The following PCDHGB7 variants were observed in gnomAD, a reference collection of about 807,000 sequenced individuals.
The protein encoded by PCDHGB7 is protocadherin gamma subfamily B, 7, also known as protocadherin gamma-B7.
A neutral mutation model predicts 61.4 loss-of-function variants in PCDHGB7; 37 were observed. That is an observed-to-expected ratio of 0.60 (90% CI 0.46 to 0.79). The LOEUF (loss-of-function observed/expected upper bound fraction) is 0.79. Ranked by LOEUF, PCDHGB7 falls within the 30% of genes least tolerant of loss-of-function variation. The pLI is 0.00. For synonymous variants in PCDHGB7, 464 were observed against 503.5 expected, an observed-to-expected ratio of 0.92 and a Z score of 1.05; for missense variants, 1,166 against 1,202.5, an observed-to-expected ratio of 0.97 and a Z score of 0.45.
chr5:141,511,695 C>T lies in PCDHGB7; in HGVS notation c.*522C>T, dbSNP rs1009832192. 1 of 195,662 alleles carries T rather than the reference C, an allele frequency of 5.1e-6. No individual in the cohort carries two copies. Among genetic ancestry groups the T allele is most frequent in the Non-Finnish European group, 1.1e-5 (1 of 92,626 alleles). The allele number at this position is 195,662 out of a possible 1,614,324, so 12.1% of individuals were successfully genotyped here. On this transcript the variant is annotated 3_prime_UTR_variant, in exon 4 of 4. Coordinates refer to ENST00000398594, the MANE Select transcript of PCDHGB7 (RefSeq NM_018927.4). ...CTTCCCCCAAAGCATGGTTTGGTGC[C>T]AGCCCCTTCACCTCCTTCCAGAGCC...
Position 141,489,065 on chromosome 5 carries a change from C to T in PCDHGB7, c.2416-5742C>T, listed in dbSNP as rs558074504. On this transcript the variant is annotated intron_variant, in intron 1 of 3. Coordinates refer to ENST00000398594, the MANE Select transcript of PCDHGB7 (RefSeq NM_018927.4). This position sits in a 1 kb window ranked among gnomAD's most constrained non-coding sequence, Gnocchi z 4.5. ...CCACTCAAATTCAGCTCCCCTCCCC[C>T]CTGCCCACCCCCGCCACTCGGTGAC... 3.3e-5 allele frequency: 13 copies of T among 388,932 alleles called. 1 individual carries two copies. Among genetic ancestry groups the T allele is most frequent in the African/African-American group, 8.5e-5 (4 of 47,158 alleles). 24.1% of individuals were successfully genotyped at this position (388,932 alleles called of 1,614,324 possible).
Position 141,432,632 on chromosome 5 carries a change from G to T in PCDHGB7, c.2415+12358G>T. ...CTTCTCGGTGGGTCTGCACACGGGCGAGGTGCGCACGGCGCGAGCCCTGCT... is the reference window on the plus strand; with the variant it reads ...CTTCTCGGTGGGTCTGCACACGGGCTAGGTGCGCACGGCGCGAGCCCTGCT... On this transcript the variant is annotated intron_variant, in intron 1 of 3. Transcript: ENST00000398594. This position sits in a 1 kb window ranked among gnomAD's most constrained non-coding sequence, Gnocchi z 6.0. The T allele has an allele frequency of 6.2e-7, 1 of 1,612,834 alleles. No homozygotes were observed. Among genetic ancestry groups the T allele is most frequent in the South Asian group, 1.1e-5 (1 of 90,976 alleles).
chr5:141,419,735 G>T lies in PCDHGB7; in HGVS notation c.1876G>T (p.Val626Leu), dbSNP rs1013306543. 1 of 1,613,806 alleles carries T rather than the reference G, an allele frequency of 6.2e-7. No individual in the cohort carries two copies. Among genetic ancestry groups the T allele is most frequent in the Non-Finnish European group, 8.5e-7 (1 of 1,179,844 alleles). Residue 626 changes from valine to leucine, a missense_variant, in exon 1 of 4, where the codon GTG becomes TTG. Physicochemically the swap from Val to Leu is conservative, Grantham distance 32. Transcript: ENST00000398594. ...CAGCCTGGGGCTGCGAACAGGCGAG[G>T]TGCGCATGGTGCGTGCTTTGGGTGA... ...LFSLGLRTGE[V>L]RMVRALGDKD...
At chr5:141,481,357 G>A (rs1399668487) in intron 1 of PCDHGB7, among the ~76,000 whole-genome samples, 1 of 152,176 alleles carries the variant, frequency 6.6e-6, no homozygotes, top group Non-Finnish European at 1.5e-5. Context: ...ATCTACAGCT[G>A]TTCAATAGAT....
Position 141,418,422 on chromosome 5 carries a change from G to T in PCDHGB7, c.563G>T (p.Gly188Val). 6.2e-7 allele frequency: 1 copy of T among 1,613,996 alleles called. No individual in the cohort carries two copies. Among genetic ancestry groups the T allele is most frequent in the Non-Finnish European group, 8.5e-7 (1 of 1,179,878 alleles). Residue 188 changes from glycine to valine, a missense_variant, in exon 1 of 4, where the codon GGT becomes GTT. Coordinates refer to ENST00000398594, the MANE Select transcript of PCDHGB7 (RefSeq NM_018927.4). ...FSLVEKDNPDGGKYPELVLQK... is the reference protein window; with the variant it reads ...FSLVEKDNPDVGKYPELVLQK... ...TTGGTGGAGAAAGACAATCCTGATG[G>T]TGGCAAATATCCAGAATTAGTATTG... is the stretch of plus-strand genomic sequence containing the variant.
intron 1 of PCDHGB7, chr5:141,478,144 G>A (rs2099432883): frequency 6.2e-7 from 1 of 1,613,918 alleles, no homozygotes; most frequent in Non-Finnish European, 8.5e-7. Flanking sequence ...CCCGAGCCGA[G>A]TTCCCCTCTG....
At position 141,422,391 on chromosome 5, in the gene PCDHGB7, T is replaced by A. The variant is rs1036823508; in HGVS notation, c.2415+2117T>A. On this transcript the variant is annotated intron_variant, in intron 1 of 3. Transcript: ENST00000398594. ...ATGGTCAAGTCTCCTGTTTTATTCCTAACCACCTGCCTTTTAAATTAGAAA... is the reference window on the plus strand; with the variant it reads ...ATGGTCAAGTCTCCTGTTTTATTCCAAACCACCTGCCTTTTAAATTAGAAA... 2.5e-6 allele frequency: 4 copies of A among 1,591,932 alleles called. No individual in the cohort carries two copies. The African/African-American group carries it at 4.1e-5, about 16-fold the overall frequency.
intron 1 of PCDHGB7, chr5:141,492,013 T>G: frequency 1.6e-6 from 1 of 610,970 alleles, no homozygotes; most frequent in Non-Finnish European, 2.7e-6. Context: ...TCCGCGGGTG[T>G]CGGGGGTCCC....
In PCDHGB7 at chr5:141,477,017, A is replaced by G; in HGVS notation, c.2416-17790A>G. 2 of 1,614,220 alleles carry G rather than the reference A, an allele frequency of 1.2e-6. No homozygotes were observed. The highest frequency in any genetic ancestry group is 2.2e-5 in the East Asian group (1 of 44,868). ...GCAACTATTCGCCTTAGACCTTGTA[A>G]CCGGGATGCTGACAATCAAGGGTCG... On this transcript the variant is annotated intron_variant, in intron 1 of 3. Coordinates refer to ENST00000398594, the MANE Select transcript of PCDHGB7 (RefSeq NM_018927.4). This position sits in a 1 kb window ranked among gnomAD's most constrained non-coding sequence, Gnocchi z 4.9.
intron 1 of PCDHGB7, chr5:141,423,080 T>C: frequency 6.2e-7 from 1 of 1,614,050 alleles, no homozygotes; most frequent in East Asian, 2.2e-5. Flanking sequence ...CCGGGACTCT[T>C]CGCGGTGGGG....
Position 141,501,940 on chromosome 5 carries a change from C to T in PCDHGB7, c.2475-3453C>T, listed in dbSNP as rs565207980. Among the ~76,000 whole-genome samples the T allele has an allele frequency of 2.6e-5, 4 of 152,250 alleles. No individual in the cohort carries two copies. In the East Asian group the frequency reaches 7.7e-4, roughly 29 times the overall value. On this transcript the variant is annotated intron_variant, in intron 2 of 3. Transcript: ENST00000398594. ...CAGCTTTGTTCCCTCAACACCACTG[C>T]TCCCTGTGACAGGTCATCCTCCTAA...
intron 2 of PCDHGB7, 91 bp from the exon 3 acceptor site, chr5:141,505,302 G>C: frequency 6.3e-7 from 1 of 1,592,714 alleles, no homozygotes. Context: ...TAGGGTTAGG[G>C]TACTAGGTTT....
intron 1 of PCDHGB7, among the ~76,000 whole-genome samples, chr5:141,439,221 T>G (rs145700274): frequency 1.2e-3 from 182 of 151,852 alleles, no homozygotes; most frequent in African/African-American, 4.3e-3. Flanking sequence ...ATGTGAAAAT[T>G]CTTAGAAGCT....
intron 1 of PCDHGB7, chr5:141,421,422 C>A (rs908483513): frequency 6.2e-7 from 1 of 1,614,086 alleles, no homozygotes; most frequent in South Asian, 1.1e-5. Flanking sequence ...AGCGCGGAGT[C>A]CGCATCGTCT....
chr5:141,488,441 C>T (rs1320712074), intron 1 of PCDHGB7, among the ~76,000 whole-genome samples: 1 of 152,206 alleles, frequency 6.6e-6, no homozygotes, highest in Non-Finnish European at 1.5e-5. Flanking sequence ...TGACCACCCT[C>T]CTGGGTGACC....
At chr5:141,465,889 G>A (rs956310325) in intron 1 of PCDHGB7, among the ~76,000 whole-genome samples, 4 of 152,056 alleles carry the variant, frequency 2.6e-5, no homozygotes, top group Admixed American at 6.5e-5. Context: ...TTGGGAGGCC[G>A]AGGCGGGCAA....
In PCDHGB7 at chr5:141,419,762, A is replaced by G; in HGVS notation, c.1903A>G (p.Lys635Glu). ...EVRMVRALGD[K>E]DSVRQRLLVA... is the part of the protein sequence containing the mutation. ...GCGCATGGTGCGTGCTTTGGGTGAC[A>G]AGGACTCGGTCCGCCAGCGCCTGCT... The change falls in exon 1 of 4, where the codon AAG becomes GAG. Residue 635 changes from lysine (K) to glutamate (E), a missense_variant. By Grantham distance (56) the Lys-to-Glu change is moderately conservative. Coordinates refer to ENST00000398594, the MANE Select transcript of PCDHGB7 (RefSeq NM_018927.4). 6.2e-7 allele frequency: 1 copy of G among 1,614,008 alleles called. No homozygotes were observed. Among genetic ancestry groups the G allele is most frequent in the Non-Finnish European group, 8.5e-7 (1 of 1,179,900 alleles).
At chr5:141,452,472 A>C (rs995927368) in intron 1 of PCDHGB7, among the ~76,000 whole-genome samples, 6 of 152,170 alleles carry the variant, frequency 3.9e-5, no homozygotes, top group Non-Finnish European at 8.8e-5. Flanking sequence ...AGCTAGGAAA[A>C]ACACACATAA....
At chr5:141,450,815 A>ATAT (rs1420984335) in intron 1 of PCDHGB7, among the ~76,000 whole-genome samples, 2,245 of 126,710 alleles carry the variant, frequency 0.018, 73 homozygotes, top group African/African-American at 0.063. Flanking sequence ...TATTTATTTA[A>ATAT]TATTATTATT....
Sources: gnomAD v4.1 joint callset for allele counts (sites outside exome capture counted in the v4.1 genomes callset) on GRCh38, gnomAD v4.1.1 for gene constraint, Gnocchi (gnomAD v3.1) non-coding constraint, MANE v1.5 for transcripts, NCBI Gene and HGNC (gene_info 2026-07-23, HGNC 2026-07-21) for gene names.